The following ZNF169 variants were observed in gnomAD, a reference collection of about 807,000 sequenced individuals.
ZNF169 encodes zinc finger protein 169.
Under a neutral mutation model 12.0 loss-of-function variants are expected in ZNF169, and 11 were observed. The ratio of observed to expected loss-of-function variants is 0.92; its 90% CI spans 0.58 to 1.52. ZNF169 has a LOEUF of 1.52. ZNF169 is among the 40% of genes most tolerant of loss of function. The pLI, the probability that ZNF169 is intolerant of heterozygous loss-of-function variation, is 0.00. For synonymous variants in ZNF169, 302 were observed against 286.5 expected (o/e 1.05, Z -0.55); for missense variants, 722 against 744.0 (o/e 0.97, Z 0.34).
At chr9:94,295,644 C>G (rs1830934929) in intron 4 of ZNF169, 1 of 152,160 alleles carries the variant, frequency 6.6e-6, no homozygotes, top group Admixed American at 6.6e-5. Context: ...ATTTGTATAA[C>G]TGGATTATAC....
Position 94,300,159 on chromosome 9 carries a change from T to C in ZNF169, c.601T>C (p.Leu201=), listed in dbSNP as rs777767548. 1 of 1,614,126 alleles carries C rather than the reference T, an allele frequency of 6.2e-7. No homozygotes were observed. The highest frequency in any genetic ancestry group is 8.5e-7 in the Non-Finnish European group (1 of 1,180,008). Residue 201 remains leucine (L), a synonymous_variant, in exon 5 of 5, where the codon TTG becomes CTG. Coordinates refer to ENST00000395395, the MANE Select transcript of ZNF169 (RefSeq NM_194320.4). The part of the protein sequence containing the change: ...RMSLGGSDTM[L]KGADTSESGA... Reference sequence around the variant, plus strand: ...GAGTCTTGGGGGGTCAGACACAATGTTGAAGGGAGCAGACACTTCAGAATC... The same window carrying C: ...GAGTCTTGGGGGGTCAGACACAATGCTGAAGGGAGCAGACACTTCAGAATC...
rs774224728 is a variant in ZNF169, at chr9:94,300,645, C to A, written c.1087C>A (p.Gln363Lys). The A allele has an allele frequency of 1.1e-5, 17 of 1,613,744 alleles. No homozygotes were observed. The highest frequency in any genetic ancestry group is 1.4e-5 in the Non-Finnish European group (16 of 1,179,954). ...RGFCQKASLL[Q>K]HQSSHTGERP... ...CTTTTGCCAGAAGGCATCACTCCTCCAGCACCAGAGCTCACACACAGGGGA... is the reference window on the plus strand; with the variant it reads ...CTTTTGCCAGAAGGCATCACTCCTCAAGCACCAGAGCTCACACACAGGGGA... Residue 363 changes from glutamine to lysine, a missense_variant, in exon 5 of 5, where the codon CAG becomes AAG. Transcript: ENST00000395395.
In ZNF169 at chr9:94,292,607, T is replaced by TTGTGTGTGTGTGTGTGTG. The variant is rs138361295; in HGVS notation, c.160+157_160+174dup. 425 of 678,766 alleles carry TTGTGTGTGTGTGTGTGTG rather than the reference T, an allele frequency of 6.3e-4. 1 individual carries two copies. In the East Asian group the frequency reaches 8.8e-3, roughly 14 times the overall value. The allele number at this position is 678,766 out of a possible 1,614,324, so 42.0% of individuals were successfully genotyped here. ...AGAATGCCTGGCTTTCACAGTGCAG[T>TTGTGTGTGTGTGTGTGTG]TGTGTGTGTGTGTGTGTGTGTGTGT... On this transcript the variant is annotated intron_variant, in intron 3 of 4. Coordinates refer to ENST00000395395, the MANE Select transcript of ZNF169 (RefSeq NM_194320.4).
intron 1 of ZNF169, among the ~76,000 whole-genome samples, chr9:94,270,829 A>AT (rs369547302): frequency 0.6 from 15,720 of 26,384 alleles, 4,189 homozygotes; most frequent in East Asian, 0.78. Context: ...AATATATATA[A>AT]AATATATATA....
In ZNF169 at chr9:94,300,498, G is replaced by A. The variant is rs145852094; in HGVS notation, c.940G>A (p.Gly314Arg). 75 of 1,614,198 alleles carry A rather than the reference G, an allele frequency of 4.6e-5. No individual in the cohort carries two copies. The East Asian group carries it at 8.0e-4, about 17-fold the overall frequency. ...CACTAATCACAAGAGGATTCACTCCGGGGAGAGGCCCTTTGTATGTCAGGA... is the reference window on the plus strand; with the variant it reads ...CACTAATCACAAGAGGATTCACTCCAGGGAGAGGCCCTTTGTATGTCAGGA... ...SLTNHKRIHS[G>R]ERPFVCQECG... Residue 314 changes from glycine (G) to arginine (R), a missense_variant, in exon 5 of 5, where the codon GGG becomes AGG. Coordinates refer to ENST00000395395, the MANE Select transcript of ZNF169 (RefSeq NM_194320.4).
At position 94,292,640 on chromosome 9, in the gene ZNF169, T is replaced by TGTGTGCGC. The variant is rs35889937; in HGVS notation, c.160+174_160+175insTGTGCGCG. On this transcript the variant is annotated intron_variant, in intron 3 of 4. Transcript: ENST00000395395. ...GTGTGTGTGTGTGTGTGTGTGTGTG[T>TGTGTGCGC]GCGCGTGCACATGCTGTGAGCGTGT... 1.3e-4 allele frequency: 100 copies of TGTGTGCGC among 741,320 alleles called. No individual in the cohort carries two copies. In the African/African-American group the frequency reaches 1.4e-3, roughly 11 times the overall value. The allele number at this position is 741,320 out of a possible 1,614,324, so 45.9% of individuals were successfully genotyped here. A position where few individuals can be genotyped will look rare whatever the true frequency, so the allele number is the denominator to read the frequency against.
At chr9:94,285,121 G>A (rs78934894) in intron 2 of ZNF169, among the ~76,000 whole-genome samples, 3,887 of 152,202 alleles carry the variant, frequency 0.026, 188 homozygotes, top group African/African-American at 0.087. Context: ...GGTGGATGTC[G>A]AGATCCTTCC....
At position 94,299,974 on chromosome 9, in the gene ZNF169, A is replaced by G. The variant is rs146605026; in HGVS notation, c.416A>G (p.Glu139Gly). The change falls in exon 5 of 5, where the codon GAA (glutamate) becomes GGA (glycine). Residue 139 changes from glutamate to glycine, a missense_variant. Glu to Gly is a moderately conservative substitution (Grantham distance 98). Coordinates refer to ENST00000395395, the MANE Select transcript of ZNF169 (RefSeq NM_194320.4). ...FQLEAPRCSS[E>G]KGESGETEGP... ...CTAGAAGCTCCAAGATGCTCTAGTG[A>G]AAAAGGAGAAAGTGGAGAGACAGAA... is the stretch of plus-strand genomic sequence containing the variant. The G allele has an allele frequency of 9.9e-6, 16 of 1,614,154 alleles. No homozygotes were observed. Among genetic ancestry groups the G allele is most frequent in the Middle Eastern group, 3.3e-4 (2 of 6,062 alleles).
At chr9:94,266,079 T>A (rs3106795) in intron 1 of ZNF169, among the ~76,000 whole-genome samples, 1 of 148,216 alleles carries the variant, frequency 6.7e-6, no homozygotes, top group Non-Finnish European at 1.5e-5. Context: ...GAGAAAGACT[T>A]TGTCTCAAAA....
intron 2 of ZNF169, among the ~76,000 whole-genome samples, chr9:94,284,173 C>G (rs1482847551): frequency 6.6e-6 from 1 of 151,882 alleles, no homozygotes; most frequent in African/African-American, 2.4e-5. Flanking sequence ...ACCTGTAACC[C>G]CAGCACTTTG....
At chr9:94,292,290 T>C in intron 2 of ZNF169, 51 bp from the exon 3 acceptor site, 3 of 1,613,274 alleles carry the variant, frequency 1.9e-6, no homozygotes, top group Non-Finnish European at 2.5e-6. Context: ...CTTAAGTTGG[T>C]TAGTGGGCAT....
At position 94,299,856 on chromosome 9, in the gene ZNF169, G is replaced by A. The variant is rs144452859; in HGVS notation, c.298G>A (p.Ala100Thr). The A allele has an allele frequency of 9.4e-4, 1,521 of 1,613,922 alleles. 14 individuals carry two copies. The East Asian group carries it at 0.027, about 29-fold the overall frequency. Residue 100 changes from alanine to threonine, a missense_variant, in exon 5 of 5, where the codon GCC becomes ACC. Ala to Thr is a moderately conservative substitution (Grantham distance 58). Transcript: ENST00000395395. ...EFQPSFPHLVAFSSSQLLRQY... is the reference protein window; with the variant it reads ...EFQPSFPHLVTFSSSQLLRQY... Reference sequence around the variant, plus strand: ...CCAGCCAAGTTTTCCCCACCTGGTGGCCTTTTCTAGCTCGCAGCTCCTCAG... The same window carrying A: ...CCAGCCAAGTTTTCCCCACCTGGTGACCTTTTCTAGCTCGCAGCTCCTCAG...
chr9:94,274,206 T>C (rs1423318377), intron 1 of ZNF169, among the ~76,000 whole-genome samples: 1 of 152,188 alleles, frequency 6.6e-6, no homozygotes, highest in Non-Finnish European at 1.5e-5. Flanking sequence ...TTTTACTTAG[T>C]TATCTCTTTA....
At chr9:94,262,923 ACTT>A (rs1415987837) in intron 1 of ZNF169, among the ~76,000 whole-genome samples, 1 of 152,138 alleles carries the variant, frequency 6.6e-6, no homozygotes, top group African/African-American at 2.4e-5. Flanking sequence ...ATTCTTACTG[ACTT>A]CTTATTTAAT....
intron 1 of ZNF169, among the ~76,000 whole-genome samples, chr9:94,263,354 A>G (rs1210222494): frequency 6.6e-6 from 1 of 152,150 alleles, no homozygotes; most frequent in Non-Finnish European, 1.5e-5. Flanking sequence ...TATCTCTGGT[A>G]ACACTTTCTC....
chr9:94,278,991 T>C (rs1173946776), intron 2 of ZNF169, 146 bp downstream of exon 2: 1 of 751,054 alleles, frequency 1.3e-6, no homozygotes, highest in African/African-American at 1.8e-5. Context: ...CTCAGTCTTA[T>C]TTGCTACATT....
At chr9:94,289,277 T>G (rs1262208331) in intron 2 of ZNF169, among the ~76,000 whole-genome samples, 1 of 151,938 alleles carries the variant, frequency 6.6e-6, no homozygotes, top group East Asian at 1.9e-4. Flanking sequence ...TGCACACCTG[T>G]GGTCCCAGCA....
At chr9:94,288,388 G>T in intron 2 of ZNF169, 1 of 1,228,298 alleles carries the variant, frequency 8.1e-7, no homozygotes, top group Non-Finnish European at 1.2e-6. Context: ...CAGACTGCCC[G>T]TCACTTTGGT....
intron 2 of ZNF169, chr9:94,288,692 G>A (rs913533285): frequency 3.4e-5 from 11 of 322,486 alleles, no homozygotes; most frequent in Non-Finnish European, 6.6e-5. Context: ...CTTCCCTCTT[G>A]CTCACTTTTT....
Sources: gnomAD v4.1 joint callset for allele counts (sites outside exome capture counted in the v4.1 genomes callset) on GRCh38, gnomAD v4.1.1 for gene constraint, MANE v1.5 for transcripts, NCBI Gene and HGNC (gene_info 2026-07-23, HGNC 2026-07-21) for gene names.